The following SNX29 variants were observed in gnomAD, a reference collection of about 807,000 sequenced individuals.
SNX29 encodes the protein sorting nexin-29.
In SNX29, 78 loss-of-function variants were observed where a neutral mutation model predicts 102.1. That is an observed-to-expected ratio of 0.76 (90% confidence interval 0.64 to 0.92). The LOEUF (loss-of-function observed/expected upper bound fraction) is 0.92, where lower values mean the gene tolerates loss of function less well. Among genes scored for constraint, SNX29 ranks in the 40% least tolerant of loss-of-function variants. SNX29 has a pLI of 0.00. For synonymous variants in SNX29, 580 were observed against 414.5 expected, an observed-to-expected ratio of 1.40 and a Z score of -4.85; for missense variants, 1,280 against 1,061.7, an observed-to-expected ratio of 1.21 and a Z score of -2.86.
At chr16:12,097,566 C>T (rs965468577) in intron 11 of SNX29, among the ~76,000 whole-genome samples, 7 of 151,132 alleles carry the variant, frequency 4.6e-5, no homozygotes, top group African/African-American at 1.7e-4. Flanking sequence ...TCTTTTTTAG[C>T]ATTTGTTCAT....
intron 19 of SNX29, among the ~76,000 whole-genome samples, chr16:12,513,919 G>T (rs532254482): frequency 6.6e-6 from 1 of 152,160 alleles, no homozygotes; most frequent in Non-Finnish European, 1.5e-5. Flanking sequence ...AATTGCTCTC[G>T]TCAGCTTCCC....
At chr16:12,531,076 G>A (rs967364526) in intron 20 of SNX29, among the ~76,000 whole-genome samples, 2 of 152,206 alleles carry the variant, frequency 1.3e-5, no homozygotes, top group Non-Finnish European at 2.9e-5. Flanking sequence ...GGCTTAGAGG[G>A]TATGTGCATT....
At position 12,176,284 on chromosome 16, in the gene SNX29, C is replaced by G. The variant is rs182293985; in HGVS notation, c.1596-23317C>G. Reference sequence around the variant, plus strand: ...ACATTAGTGATGTCTCTTCTCCCAGCTTTTGACAGGTGCAGGTTCAAATCT... The same window carrying G: ...ACATTAGTGATGTCTCTTCTCCCAGGTTTTGACAGGTGCAGGTTCAAATCT... On this transcript the variant is annotated intron_variant, in intron 13 of 20. Transcript: ENST00000566228. 1.5e-4 allele frequency among the ~76,000 whole-genome samples: 23 copies of G among 152,332 alleles called. No homozygotes were observed. In the East Asian group the frequency reaches 4.2e-3, roughly 28 times the overall value.
chr16:12,463,817 A>AGTGTGTGTGTGTGTGTGT (rs143006476), intron 18 of SNX29, among the ~76,000 whole-genome samples: 10 of 143,270 alleles, frequency 7.0e-5, no homozygotes, highest in South Asian at 2.3e-4. Flanking sequence ...TCCCGAAGTG[A>AGTGTGTGTGTGTGTGTGT]GTGTGTGTGT....
intron 20 of SNX29, among the ~76,000 whole-genome samples, chr16:12,563,776 G>T (rs950077032): frequency 3.9e-5 from 6 of 152,166 alleles, no homozygotes; most frequent in Admixed American, 1.3e-4. Context: ...CTTGTCTGCC[G>T]ACCTGTCTGA....
At chr16:12,136,407 C>T (rs1310367929) in intron 13 of SNX29, among the ~76,000 whole-genome samples, 3 of 152,230 alleles carry the variant, frequency 2.0e-5, no homozygotes, top group Non-Finnish European at 4.4e-5. Flanking sequence ...CTTCTTAATT[C>T]TCAGTTTCCC....
chr16:12,174,217 G>C (rs1311402935), intron 13 of SNX29, among the ~76,000 whole-genome samples: 3 of 152,212 alleles, frequency 2.0e-5, no homozygotes, highest in Admixed American at 2.0e-4. Flanking sequence ...TGGTATTACA[G>C]AGCAGTGTCT....
intron 3 of SNX29, among the ~76,000 whole-genome samples, chr16:12,008,151 A>G (rs538064941): frequency 1.3e-5 from 2 of 152,178 alleles, no homozygotes; most frequent in South Asian, 2.1e-4. Flanking sequence ...TCACCGTGTT[A>G]GCCAGGATAG....
At chr16:12,031,602 C>T (rs901551666) in intron 4 of SNX29, among the ~76,000 whole-genome samples, 5 of 151,058 alleles carry the variant, frequency 3.3e-5, no homozygotes, top group African/African-American at 1.2e-4. Flanking sequence ...GTCAGGAAAT[C>T]GAGACCATCC....
chr16:12,110,917 G>A (rs917333792), intron 11 of SNX29, among the ~76,000 whole-genome samples: 6 of 151,712 alleles, frequency 4.0e-5, no homozygotes, highest in African/African-American at 1.5e-4. Flanking sequence ...TCAAACTCCT[G>A]GGCTCAAGCG....
chr16:11,994,303 G>A (rs758607503), intron 1 of SNX29, among the ~76,000 whole-genome samples: 10 of 152,172 alleles, frequency 6.6e-5, no homozygotes, highest in Admixed American at 2.0e-4. Flanking sequence ...CATTTTGATG[G>A]TGATCTAAAT....
chr16:12,563,883 G>GGCCTCTGCCCCCTTC (rs2078871946), intron 20 of SNX29, among the ~76,000 whole-genome samples: 1 of 151,974 alleles, frequency 6.6e-6, no homozygotes. Flanking sequence ...CTAGCCCCTT[G>GGCCTCTGCCCCCTTC]GGCCTCTGCC....
chr16:12,346,761 A>G (rs1387074020), intron 15 of SNX29, among the ~76,000 whole-genome samples: 1 of 152,084 alleles, frequency 6.6e-6, no homozygotes, highest in Non-Finnish European at 1.5e-5. Context: ...CTATTGTAAC[A>G]TGGTCATTTC....
intron 15 of SNX29, among the ~76,000 whole-genome samples, chr16:12,287,157 C>T (rs2079624594): frequency 6.6e-6 from 1 of 152,158 alleles, no homozygotes; most frequent in South Asian, 2.1e-4. Flanking sequence ...TCTGCCTTGA[C>T]TTCAGTTAAC....
intron 18 of SNX29, among the ~76,000 whole-genome samples, chr16:12,456,371 T>C (rs903011618): frequency 3.3e-5 from 5 of 152,140 alleles, no homozygotes; most frequent in African/African-American, 9.7e-5. Context: ...CATCAATAAA[T>C]ACAGCACGAT....
chr16:12,457,024 A>C (rs1240907445), intron 18 of SNX29, among the ~76,000 whole-genome samples: 1 of 152,066 alleles, frequency 6.6e-6, no homozygotes, highest in Admixed American at 6.6e-5. Flanking sequence ...CCATAATGCC[A>C]CCCTCTTCTA....
intron 16 of SNX29, among the ~76,000 whole-genome samples, chr16:12,380,610 A>C (rs1358477679): frequency 1.3e-4 from 8 of 59,554 alleles, no homozygotes; most frequent in African/African-American, 2.0e-4. Context: ...CCCATCCACC[A>C]TCCATCCATC....
chr16:12,329,276 C>CAAAA (rs55968518), intron 15 of SNX29, among the ~76,000 whole-genome samples: 34,830 of 88,710 alleles, frequency 0.39, 8,056 homozygotes, highest in Non-Finnish European at 0.51. Flanking sequence ...GACCTTGTCT[C>CAAAA]AAAAAAAAAA....
At chr16:12,147,805 C>G (rs1384292148) in intron 13 of SNX29, among the ~76,000 whole-genome samples, 1 of 152,174 alleles carries the variant, frequency 6.6e-6, no homozygotes, top group Non-Finnish European at 1.5e-5. Flanking sequence ...AACATGAAGC[C>G]TGGGTCTTAA....
Sources: gnomAD v4.1 joint callset for allele counts (sites outside exome capture counted in the v4.1 genomes callset) on GRCh38, gnomAD v4.1.1 for gene constraint, MANE v1.5 for transcripts, NCBI Gene and HGNC (gene_info 2026-07-23, HGNC 2026-07-21) for gene names.